Variants in SOX6 observed in about 807,000 individuals in gnomAD.
SOX6 encodes transcription factor SOX-6.
In SOX6, 11 loss-of-function variants were observed where a neutral mutation model predicts 97.8. The ratio of observed to expected loss-of-function variants is 0.11; its 90% CI spans 0.07 to 0.19. The LOEUF (loss-of-function observed/expected upper bound fraction) is 0.19. SOX6 is among the 10% of genes least tolerant of loss of function. The pLI is 1.00. For synonymous variants in SOX6, 360 were observed against 371.4 expected (o/e 0.97, Z 0.35); for missense variants, 810 against 1,039.5 (o/e 0.78, Z 3.04).
At chr11:16,557,783 T>C (rs1847765447) in intron 4 of SOX6, among the ~76,000 whole-genome samples, 1 of 151,904 alleles carries the variant, frequency 6.6e-6, no homozygotes, top group Admixed American at 6.6e-5. Flanking sequence ...TCTATAGAAG[T>C]ATTTTGTGTG....
intron 3 of SOX6, among the ~76,000 whole-genome samples, chr11:16,237,521 C>T (rs918714399): frequency 6.6e-6 from 1 of 151,926 alleles, no homozygotes; most frequent in Non-Finnish European, 1.5e-5. Flanking sequence ...ATTACAGAGG[C>T]AATTGATCAG....
At chr11:16,678,262 G>A (rs1349718644) in intron 3 of SOX6, among the ~76,000 whole-genome samples, 4 of 152,008 alleles carry the variant, frequency 2.6e-5, no homozygotes, top group Non-Finnish European at 5.9e-5. Flanking sequence ...GAGTTTTCTT[G>A]TTCTCTAATG....
chr11:16,151,365 G>A (rs1368925962), intron 6 of SOX6, among the ~76,000 whole-genome samples: 1 of 152,100 alleles, frequency 6.6e-6, no homozygotes, highest in East Asian at 1.9e-4. Context: ...TCTTGCAGCT[G>A]CTGAGTAATA....
At chr11:16,347,024 T>C (rs1332739436) in intron 1 of SOX6, among the ~76,000 whole-genome samples, 1 of 152,138 alleles carries the variant, frequency 6.6e-6, no homozygotes, top group East Asian at 1.9e-4. Flanking sequence ...TGTCACTTTA[T>C]GTAGCTTAAG....
At chr11:16,290,506 A>G (rs1465599063) in intron 3 of SOX6, among the ~76,000 whole-genome samples, 1 of 152,086 alleles carries the variant, frequency 6.6e-6, no homozygotes, top group Non-Finnish European at 1.5e-5. Flanking sequence ...CCATGAACAC[A>G]TTGTCTTTTA....
chr11:16,052,574 G>A (rs1351832188), intron 10 of SOX6, among the ~76,000 whole-genome samples: 1 of 151,516 alleles, frequency 6.6e-6, no homozygotes, highest in African/African-American at 2.4e-5. Context: ...GTCATTTTGG[G>A]GTCTATTTCT....
chr11:16,374,404 A>G (rs959710333), intron 1 of SOX6, among the ~76,000 whole-genome samples: 2 of 152,086 alleles, frequency 1.3e-5, no homozygotes, highest in African/African-American at 4.8e-5. Context: ...ACCCTTCTGC[A>G]TTCTTCAGAT....
intron 6 of SOX6, among the ~76,000 whole-genome samples, chr11:16,165,313 CTG>C (rs1564993387): frequency 6.6e-5 from 10 of 152,100 alleles, no homozygotes; most frequent in African/African-American, 4.8e-5. Flanking sequence ...TCTTACTAAA[CTG>C]TGAGTTTCTT....
chr11:16,688,075 C>T (rs1029904795), intron 3 of SOX6, among the ~76,000 whole-genome samples: 13 of 151,964 alleles, frequency 8.6e-5, no homozygotes, highest in East Asian at 3.9e-4. Context: ...CAAACTCAAA[C>T]GATGCTCCCA....
chr11:15,990,517 T>C (rs1248326174), intron 13 of SOX6, among the ~76,000 whole-genome samples: 1 of 151,982 alleles, frequency 6.6e-6, no homozygotes, highest in Non-Finnish European at 1.5e-5. Flanking sequence ...TTCAATAAAG[T>C]ACTTGGCACA....
At chr11:16,513,442 G>A (rs967383980) in intron 4 of SOX6, among the ~76,000 whole-genome samples, 2 of 152,066 alleles carry the variant, frequency 1.3e-5, no homozygotes, top group African/African-American at 4.8e-5. Context: ...AGACCAGCCT[G>A]GCCAACATGG....
chr11:16,226,743 CT>C (rs5789944), intron 4 of SOX6, among the ~76,000 whole-genome samples: 133,898 of 152,038 alleles, frequency 0.88, 59,128 homozygotes, highest in East Asian at 1. Flanking sequence ...TTCTTCACCC[CT>C]GTCTCTCATT....
At chr11:16,272,774 A>G (rs1854294592) in intron 3 of SOX6, among the ~76,000 whole-genome samples, 1 of 151,756 alleles carries the variant, frequency 6.6e-6, no homozygotes. Context: ...AGAACTCTGT[A>G]TTGCTTCCTG....
intron 3 of SOX6, among the ~76,000 whole-genome samples, chr11:16,665,901 C>T (rs1847803952): frequency 6.6e-6 from 1 of 152,154 alleles, no homozygotes; most frequent in Admixed American, 6.5e-5. Context: ...GCCTGGTAAT[C>T]CAGGGAATTC....
chr11:16,264,827 C>T (rs1383496270), intron 3 of SOX6: 2 of 135,384 alleles, frequency 1.5e-5, no homozygotes, highest in African/African-American at 5.6e-5. Flanking sequence ...CTAGCCAAGA[C>T]GGAGGCTGAA....
rs1221217200 is a variant in SOX6, at chr11:16,160,877, C to T, written c.777+23009G>A. Among the ~76,000 whole-genome samples the T allele has an allele frequency of 3.3e-5, 5 of 152,080 alleles. No individual in the cohort carries two copies. In the East Asian group the frequency reaches 7.7e-4, roughly 23 times the overall value. ...TCTTTTTAAAATTCTTCAATTAATT[C>T]CAAATTCTCAAAAAAACTACAAGAA... is the stretch of plus-strand genomic sequence containing the variant. On this transcript the variant is annotated intron_variant, in intron 6 of 15. Transcript: ENST00000683767.
intron 4 of SOX6, among the ~76,000 whole-genome samples, chr11:16,578,352 T>C (rs1454218965): frequency 6.6e-6 from 1 of 152,172 alleles, no homozygotes; most frequent in Non-Finnish European, 1.5e-5. Flanking sequence ...GTAGAGTTTT[T>C]TTAATCGTAT....
intron 13 of SOX6, among the ~76,000 whole-genome samples, chr11:16,014,506 A>G (rs1024848748): frequency 6.6e-6 from 1 of 152,102 alleles, no homozygotes; most frequent in Non-Finnish European, 1.5e-5. Flanking sequence ...CAATGTATAC[A>G]TGTATCAAAA....
intron 9 of SOX6, among the ~76,000 whole-genome samples, chr11:16,072,398 AT>A (rs1371678739): frequency 3.9e-5 from 6 of 152,176 alleles, no homozygotes; most frequent in South Asian, 2.1e-4. Flanking sequence ...AAACAAAAAA[AT>A]AAATAATAAA....
Sources: allele counts gnomAD v4.1 joint callset (sites outside exome capture counted in the v4.1 genomes callset), GRCh38; gene constraint gnomAD v4.1.1; transcripts MANE v1.5; gene names NCBI Gene and HGNC (gene_info 2026-07-23, HGNC 2026-07-21).